Variants in PDE1A observed in about 807,000 individuals in gnomAD.
PDE1A encodes phosphodiesterase 1A.
PDE1A carries 35 observed loss-of-function variants against 61.7 expected under a neutral mutation model. The ratio of observed to expected loss-of-function variants is 0.57; its 90% confidence interval spans 0.43 to 0.75. PDE1A has a LOEUF of 0.75. PDE1A is among the 30% of genes least tolerant of loss of function. PDE1A has a pLI of 0.00. For synonymous variants in PDE1A, 232 were observed against 213.2 expected, an observed-to-expected ratio of 1.09 and a Z score of -0.77; for missense variants, 597 against 630.6, an observed-to-expected ratio of 0.95 and a Z score of 0.57.
chr2:182,189,061 C>A lies in PDE1A; in HGVS notation c.1126-1G>T. On this transcript the variant is annotated splice_acceptor_variant, in intron 10 of 13. Coordinates refer to ENST00000351439, the Ensembl canonical transcript of PDE1A. LOFTEE classifies it high-confidence loss of function. Reference sequence around the variant, plus strand: ...GCCCTAATTCAGCTTCTTTATCTCCCTGGAGAAAGAAAAGCACATTAATAT... The same window carrying A: ...GCCCTAATTCAGCTTCTTTATCTCCATGGAGAAAGAAAAGCACATTAATAT... The A allele has an allele frequency of 6.2e-7, 1 of 1,606,724 alleles. No homozygotes were observed. The highest frequency in any genetic ancestry group is 1.1e-5 in the South Asian group (1 of 90,566).
chr2:182,421,907 G>T (rs962362040), intron 1 of PDE1A, among the ~76,000 whole-genome samples: 3 of 152,026 alleles, frequency 2.0e-5, no homozygotes, highest in African/African-American at 7.2e-5. Context: ...TCTTTTTCTA[G>T]GCTTTCCTAT....
chr2:182,185,732 G>A (rs1685143170), intron 13 of PDE1A, 160 bp downstream of exon 13: 1 of 1,373,144 alleles, frequency 7.3e-7, no homozygotes. Flanking sequence ...TAATAAATGA[G>A]CCAACTTTCT....
chr2:182,518,178 G>C (rs1232182125), intron 2 of PDE1A, among the ~76,000 whole-genome samples: 1 of 152,104 alleles, frequency 6.6e-6, no homozygotes, highest in Non-Finnish European at 1.5e-5. Context: ...CTAAAGTATG[G>C]TTCCAATTTG....
intron 13 of PDE1A, among the ~76,000 whole-genome samples, chr2:182,154,165 AAACAAC>A (rs752564339): frequency 6.6e-6 from 1 of 152,170 alleles, no homozygotes; most frequent in Admixed American, 6.5e-5. Context: ...GAAAACAAAC[AAACAAC>A]AACAACAACA....
chr2:182,627,166 A>AT, the PDE1A span, among the ~76,000 whole-genome samples: 2 of 21,892 alleles, frequency 9.1e-5, no homozygotes, highest in African/African-American at 1.9e-4. Flanking sequence ...ATAAAATATA[A>AT]ATAATATTTA....
chr2:182,289,433 G>A (rs376086849), intron 1 of PDE1A, among the ~76,000 whole-genome samples: 66 of 152,138 alleles, frequency 4.3e-4, no homozygotes, highest in African/African-American at 1.4e-3. Context: ...ACACAGAAGC[G>A]GAGATGCAGT....
At chr2:182,204,464 G>A (rs1217331186) in intron 8 of PDE1A, among the ~76,000 whole-genome samples, 1 of 152,084 alleles carries the variant, frequency 6.6e-6, no homozygotes, top group African/African-American at 2.4e-5. Context: ...TCACACCTGA[G>A]AAGCAAAACC....
At chr2:182,610,360 G>A in the PDE1A span, among the ~76,000 whole-genome samples, 4 of 152,138 alleles carry the variant, frequency 2.6e-5, no homozygotes, top group African/African-American at 9.7e-5. Flanking sequence ...TTTGTGGGCT[G>A]ATTTTTTCAG....
At chr2:182,222,164 A>T (rs1688784873) in intron 7 of PDE1A, among the ~76,000 whole-genome samples, 1 of 152,052 alleles carries the variant, frequency 6.6e-6, no homozygotes. Flanking sequence ...TAATAGGTGA[A>T]TAGATAAACA....
the PDE1A span, among the ~76,000 whole-genome samples, chr2:182,552,439 GT>G: frequency 2.8e-3 from 348 of 122,856 alleles, no homozygotes; most frequent in South Asian, 7.1e-3. Flanking sequence ...GCTACACAAA[GT>G]TTTTTTTTTT....
At chr2:182,165,257 T>C (rs1395415864), downstream of PDE1A, among the ~76,000 whole-genome samples, 1 of 152,118 alleles carries the variant, frequency 6.6e-6, no homozygotes, top group East Asian at 1.9e-4. Context: ...TTCTGCAACA[T>C]TATGTTCTTC....
At chr2:182,680,142 C>T in the PDE1A span, among the ~76,000 whole-genome samples, 2 of 151,930 alleles carry the variant, frequency 1.3e-5, no homozygotes, top group Non-Finnish European at 2.9e-5. Flanking sequence ...TTACAAATTA[C>T]GCCATTATGT....
intron 1 of PDE1A, among the ~76,000 whole-genome samples, chr2:182,397,680 T>C (rs528819612): frequency 1.1e-4 from 16 of 152,110 alleles, no homozygotes; most frequent in Non-Finnish European, 1.6e-4. Context: ...TATTACGCTA[T>C]GTCACATAAT....
intron 1 of PDE1A, among the ~76,000 whole-genome samples, chr2:182,363,590 G>C (rs141090365): frequency 1.5e-4 from 23 of 151,968 alleles, no homozygotes; most frequent in Non-Finnish European, 2.9e-4. Context: ...AGTAACACAC[G>C]CCAAAATTCT....
intron 2 of PDE1A, among the ~76,000 whole-genome samples, chr2:182,521,092 T>C (rs1214867375): frequency 6.6e-6 from 1 of 151,984 alleles, no homozygotes; most frequent in African/African-American, 2.4e-5. Flanking sequence ...AAGCCATGTA[T>C]TACTTCAAGA....
intron 2 of PDE1A, among the ~76,000 whole-genome samples, chr2:182,518,968 C>G (rs780425596): frequency 6.6e-6 from 1 of 151,606 alleles, no homozygotes; most frequent in Non-Finnish European, 1.5e-5. Flanking sequence ...GTGTGGAACT[C>G]TTTGTATGTT....
chr2:182,303,926 G>C (rs902036706), intron 1 of PDE1A, among the ~76,000 whole-genome samples: 2 of 151,386 alleles, frequency 1.3e-5, no homozygotes, highest in African/African-American at 4.9e-5. Context: ...TGTTGAGATG[G>C]AGTCTCGCTG....
the PDE1A span, among the ~76,000 whole-genome samples, chr2:182,627,416 T>C: frequency 9.8e-6 from 1 of 102,380 alleles, no homozygotes; most frequent in South Asian, 3.0e-4. Context: ...AATATAAATA[T>C]ATATTATATT....
chr2:182,186,020 C>A, exon 13 of PDE1A: 1 of 1,614,020 alleles, frequency 6.2e-7, no homozygotes, highest in Non-Finnish European at 8.5e-7. Context: ...ACTCATGGAG[C>A]CTTTTGTATT....
Sources: allele counts gnomAD v4.1 joint callset (sites outside exome capture counted in the v4.1 genomes callset), GRCh38; gene constraint gnomAD v4.1.1; transcripts MANE v1.5; gene names NCBI Gene and HGNC (gene_info 2026-07-23, HGNC 2026-07-21).